The following MROH7 variants were observed in gnomAD, a reference collection of about 807,000 sequenced individuals.
MROH7 encodes the protein maestro heat like repeat family member 7.
A neutral mutation model predicts 129.2 loss-of-function variants in MROH7; 113 were observed. That is an observed-to-expected ratio of 0.87 (90% CI 0.75 to 1.02). MROH7 has a LOEUF of 1.02. Among genes scored for constraint, MROH7 ranks in the 50% least tolerant of loss-of-function variants. The pLI, the probability that MROH7 is intolerant of heterozygous loss-of-function variation, is 0.00. For missense variants in MROH7, 1,601 were observed against 1,671.3 expected, an observed-to-expected ratio of 0.96 and a Z score of 0.73; for synonymous variants, 655 against 667.9, an observed-to-expected ratio of 0.98 and a Z score of 0.30.
intron 1 of MROH7, among the ~76,000 whole-genome samples, chr1:54,645,353 C>A (rs905802011): frequency 6.6e-6 from 1 of 152,030 alleles, no homozygotes; most frequent in African/African-American, 2.4e-5. Context: ...AATCTTGGCT[C>A]ACTGCAACCT....
chr1:54,669,852 A>G (rs1008563830), intron 5 of MROH7, among the ~76,000 whole-genome samples: 1 of 152,022 alleles, frequency 6.6e-6, no homozygotes, highest in Non-Finnish European at 1.5e-5. Flanking sequence ...ATATAAAAAA[A>G]GCTTAGCCGG....
chr1:54,653,140 GC>G lies in MROH7; in HGVS notation c.216del (p.Ser73GlnfsTer57). 1 of 1,614,200 alleles carries G rather than the reference GC, an allele frequency of 6.2e-7. No homozygotes were observed. The highest frequency in any genetic ancestry group is 8.5e-7 in the Non-Finnish European group (1 of 1,180,030). On this transcript the variant is annotated frameshift_variant, in exon 3 of 24. Coordinates refer to ENST00000421030, the MANE Select transcript of MROH7 (RefSeq NM_001039464.4). LOFTEE classifies it high-confidence loss of function. ...TTCTTTGAGTCCAGTCTCAGGGGAGGCCTCAGGCCTGGTGTCTGAAAACACC... is the reference window on the plus strand; with the variant it reads ...TTCTTTGAGTCCAGTCTCAGGGGAGGCTCAGGCCTGGTGTCTGAAAACACC... ...NDSLSPVSGE[A>X]SGLVSENTPR...
intron 20 of MROH7, 63 bp from the exon 21 acceptor site, chr1:54,702,560 C>T (rs760600528): frequency 2.3e-5 from 33 of 1,421,152 alleles, no homozygotes; most frequent in Non-Finnish European, 2.7e-5. Context: ...TTTCAAAATC[C>T]CTTTTTCTGG....
chr1:54,668,818 T>C (rs1371938219), intron 4 of MROH7, 36 bp from the exon 5 acceptor site: 1 of 1,548,808 alleles, frequency 6.5e-7, no homozygotes, highest in South Asian at 1.1e-5. Context: ...TCAGTGGGTC[T>C]CTCACTCTGA....
chr1:54,697,733 TC>T, intron 17 of MROH7: 1 of 700,270 alleles, frequency 1.4e-6, no homozygotes, highest in African/African-American at 1.7e-5. Flanking sequence ...GCTCAGAGAG[TC>T]CAGAGAGATT....
In MROH7 at chr1:54,700,359, A is replaced by G; in HGVS notation, c.3003A>G (p.Glu1001=). Residue 1001 remains glutamate, a synonymous_variant, in exon 18 of 24, where the codon GAA becomes GAG. Transcript: ENST00000421030. ...AGCAGGTGCGCCGGATCCCCGAGGAATACTCTCTGGGGCGGATGGCAGAAG... is the reference window on the plus strand; with the variant it reads ...AGCAGGTGCGCCGGATCCCCGAGGAGTACTCTCTGGGGCGGATGGCAGAAG... ...QMEQVRRIPE[E]YSLGRMAEGL... 1 of 1,614,048 alleles carries G rather than the reference A, an allele frequency of 6.2e-7. No individual in the cohort carries two copies. Among genetic ancestry groups the G allele is most frequent in the Middle Eastern group, 1.6e-4 (1 of 6,062 alleles).
At chr1:54,674,642 G>A (rs1557707437) in intron 10 of MROH7, among the ~76,000 whole-genome samples, 1 of 152,174 alleles carries the variant, frequency 6.6e-6, no homozygotes, top group South Asian at 2.1e-4. Flanking sequence ...AGAATCCAGA[G>A]CAGCTAAAGC....
chr1:54,704,402 T>G (rs187678512), intron 21 of MROH7, among the ~76,000 whole-genome samples: 76 of 151,260 alleles, frequency 5.0e-4, no homozygotes, highest in Admixed American at 5.0e-3. Context: ...CCAGGTCCTC[T>G]GGTTTCATGA....
intron 13 of MROH7, among the ~76,000 whole-genome samples, chr1:54,680,338 A>C (rs1645049943): frequency 6.6e-6 from 1 of 152,240 alleles, no homozygotes; most frequent in African/African-American, 2.4e-5. Context: ...AATAGAACGG[A>C]GGACCTAAAC....
Position 54,710,181 on chromosome 1 carries a change from G to T in MROH7, c.3966G>T (p.Lys1322Asn), listed in dbSNP as rs376406945. Residue 1322 changes from lysine to asparagine, a missense_variant, in exon 24 of 24, where the codon AAG becomes AAT. Transcript: ENST00000421030. ...TGGGCTCCTGGAAGATGTCCTTGAA[G>T]AAGTGACGTCCCTGAGCCCCAAACC... The part of the protein sequence containing the change: ...QALGSWKMSL[K>N]K The T allele has an allele frequency of 3.3e-5, 53 of 1,611,338 alleles. No homozygotes were observed. The Admixed American group carries it at 8.0e-4, about 24-fold the overall frequency.
rs768939976 is a variant in MROH7 at position 54,682,706 on chromosome 1, A to T, written c.2432A>T (p.Asp811Val). 26 of 1,613,994 alleles carry T rather than the reference A, an allele frequency of 1.6e-5. No homozygotes were observed. The Admixed American group carries it at 4.3e-4, about 27-fold the overall frequency. The change falls in exon 14 of 24, where the codon GAT becomes GTT. Residue 811 changes from aspartate (D) to valine (V), a missense_variant. Physicochemically the swap from Asp to Val is radical, Grantham distance 152. Transcript: ENST00000421030. Reference sequence around the variant, plus strand: ...CTGATACTGTGTAAGCCCAGCTGTGATGTCCGAGACCTCCTGGATCTGCTC... The same window carrying T: ...CTGATACTGTGTAAGCCCAGCTGTGTTGTCCGAGACCTCCTGGATCTGCTC... ...RQLILCKPSC[D>V]VRDLLDLLLG... is the part of the protein sequence containing the mutation.
chr1:54,705,624 C>A (rs1645520695), intron 21 of MROH7, among the ~76,000 whole-genome samples: 1 of 152,100 alleles, frequency 6.6e-6, no homozygotes, highest in African/African-American at 2.4e-5. Flanking sequence ...GAAGGGCACT[C>A]CAAATAGGAG....
intron 12 of MROH7, among the ~76,000 whole-genome samples, 192 bp from the exon 13 acceptor site, chr1:54,679,699 G>A (rs1444071705): frequency 6.6e-6 from 1 of 152,088 alleles, no homozygotes. Flanking sequence ...GGTATAGGGA[G>A]CATAGTAAAG....
At chr1:54,648,336 T>TTTTATTTA (rs59068913) in intron 1 of MROH7, among the ~76,000 whole-genome samples, 23,046 of 142,054 alleles carry the variant, frequency 0.16, 2,099 homozygotes, top group South Asian at 0.23. Context: ...TTGCATGCAA[T>TTTTATTTA]TTTATTTATT....
intron 23 of MROH7, among the ~76,000 whole-genome samples, chr1:54,709,489 A>G (rs1557735647): frequency 6.6e-6 from 1 of 152,184 alleles, no homozygotes; most frequent in Non-Finnish European, 1.5e-5. Context: ...AAGTGCTGGG[A>G]TTACAGGCAT....
intron 3 of MROH7, among the ~76,000 whole-genome samples, chr1:54,661,573 ATTAT>A (rs1553170327): frequency 1.1e-4 from 14 of 122,304 alleles, no homozygotes; most frequent in South Asian, 3.4e-4. Context: ...ACTTAAAAAT[ATTAT>A]TTGTTTGTTT....
intron 15 of MROH7, 147 bp downstream of exon 15, chr1:54,686,595 G>A (rs1645152620): frequency 1.0e-5 from 7 of 702,758 alleles, no homozygotes; most frequent in South Asian, 9.8e-5. Context: ...TTTTATTAGA[G>A]CCAATAATTC....
Position 54,673,716 on chromosome 1 carries a change from A to G in MROH7, c.1711A>G (p.Met571Val). The G allele has an allele frequency of 6.2e-7, 1 of 1,613,834 alleles. No homozygotes were observed. The highest frequency in any genetic ancestry group is 1.1e-5 in the South Asian group (1 of 91,072). Residue 571 changes from methionine to valine, a missense_variant, in exon 9 of 24, where the codon ATG becomes GTG. Physicochemically the swap from Met to Val is conservative, Grantham distance 21 (BLOSUM62 1). Coordinates refer to ENST00000421030, the MANE Select transcript of MROH7 (RefSeq NM_001039464.4). ...GATCCCACAGGCCCTGGGGCCTTGG[A>G]TGAACTCTGGGAAGGCCCATGAGCG... ...KSILEALGPW[M>V]NSGKAHERAR...
At chr1:54,702,039 T>G (rs1645445555) in intron 19 of MROH7, 51 bp from the exon 20 acceptor site, 1 of 1,462,820 alleles carries the variant, frequency 6.8e-7, no homozygotes, top group Non-Finnish European at 9.2e-7. Flanking sequence ...TCAGCCGCAG[T>G]GAGTGGCGTC....
Sources: allele counts gnomAD v4.1 joint callset (sites outside exome capture counted in the v4.1 genomes callset), GRCh38; gene constraint gnomAD v4.1.1; transcripts MANE v1.5; gene names NCBI Gene and HGNC (gene_info 2026-07-23, HGNC 2026-07-21).